The following FARP2 variants were observed in gnomAD, a reference collection of about 807,000 sequenced individuals.
FARP2 encodes the protein FERM, ARH/RhoGEF and pleckstrin domain protein 2, also known as FERM, ARHGEF and pleckstrin domain-containing protein 2.
FARP2 carries 111 observed loss-of-function variants against 130.5 expected under a neutral mutation model. That is an observed-to-expected ratio of 0.85 (90% CI 0.73 to 1.00). The LOEUF is 1.00. FARP2 is among the 50% of genes least tolerant of loss of function. FARP2 has a pLI of 0.00. For missense variants in FARP2, 1,385 were observed against 1,346.3 expected (o/e 1.03, Z -0.45); for synonymous variants, 504 against 516.9 (o/e 0.98, Z 0.34).
chr2:241,479,213 G>T (rs2064552987), intron 19 of FARP2, among the ~76,000 whole-genome samples: 1 of 152,188 alleles, frequency 6.6e-6, no homozygotes, highest in Non-Finnish European at 1.5e-5. Flanking sequence ...TGGCCAGGTG[G>T]GTACTATCTC....
intron 2 of FARP2, among the ~76,000 whole-genome samples, chr2:241,401,979 A>G (rs558834798): frequency 3.9e-5 from 6 of 152,098 alleles, no homozygotes; most frequent in African/African-American, 9.6e-5. Flanking sequence ...TAGTAGAGAC[A>G]AGGTTTTGCC....
intron 7 of FARP2, among the ~76,000 whole-genome samples, chr2:241,416,003 G>C (rs1053241225): frequency 4.0e-4 from 39 of 96,382 alleles, no homozygotes; most frequent in African/African-American, 8.1e-4. Context: ...GTGTGTGTGT[G>C]TGTGTGTGTG....
intron 1 of FARP2, chr2:241,372,596 C>A (rs962696190): frequency 1.3e-5 from 2 of 152,274 alleles, no homozygotes; most frequent in African/African-American, 4.8e-5. Flanking sequence ...CACTGCCTGA[C>A]ACGCGTTGAT....
intron 8 of FARP2, among the ~76,000 whole-genome samples, chr2:241,426,556 A>G (rs1482354703): frequency 6.6e-6 from 1 of 152,144 alleles, no homozygotes; most frequent in African/African-American, 2.4e-5. Flanking sequence ...GCTTTTCAGA[A>G]ATACGGGTGA....
At chr2:241,491,491 T>C (rs1167545432) in intron 23 of FARP2, 25 bp from the exon 24 acceptor site, 1 of 1,610,140 alleles carries the variant, frequency 6.2e-7, no homozygotes, top group East Asian at 2.2e-5. Context: ...GGGTTCCCCC[T>C]GAGACGCTGC....
chr2:241,405,061 A>G (rs1194053723), intron 4 of FARP2, among the ~76,000 whole-genome samples: 1 of 152,224 alleles, frequency 6.6e-6, no homozygotes, highest in Non-Finnish European at 1.5e-5. Flanking sequence ...AAATAAGAGC[A>G]TATGCTGTTT....
intron 5 of FARP2, 164 bp from the exon 6 acceptor site, chr2:241,410,869 G>A (rs1559744073): frequency 3.4e-6 from 2 of 584,704 alleles, no homozygotes; most frequent in Non-Finnish European, 6.2e-6. Flanking sequence ...TTCATGAAAG[G>A]CCTTTTGTGA....
intron 2 of FARP2, among the ~76,000 whole-genome samples, chr2:241,391,602 C>G (rs1028011309): frequency 2.0e-5 from 3 of 152,158 alleles, no homozygotes; most frequent in Non-Finnish European, 4.4e-5. Flanking sequence ...AATTTTCTCT[C>G]CTGATGAATT....
intron 6 of FARP2, 85 bp downstream of exon 6, chr2:241,411,215 T>G (rs2074772): frequency 0.033 from 30,770 of 925,754 alleles, 3,473 homozygotes; most frequent in Admixed American, 0.28. Flanking sequence ...GTTGCTGATG[T>G]ATTTGCCTAG....
chr2:241,446,605 A>G (rs576856512), intron 13 of FARP2: 3 of 152,336 alleles, frequency 2.0e-5, no homozygotes, highest in South Asian at 4.1e-4. Context: ...ATGCCAATAC[A>G]TATGTCTTCA....
intron 12 of FARP2, among the ~76,000 whole-genome samples, chr2:241,436,909 C>G (rs1244424055): frequency 1.3e-5 from 2 of 152,114 alleles, no homozygotes; most frequent in African/African-American, 4.8e-5. Flanking sequence ...TGTCTTGAGC[C>G]CAGGAAGTTG....
rs1047800703 is a variant in FARP2, at chr2:241,459,888, T to A, written c.1588-2635T>A. Among the ~76,000 whole-genome samples the A allele has an allele frequency of 2.6e-5, 4 of 152,152 alleles. No individual in the cohort carries two copies. The highest frequency in any genetic ancestry group is 9.7e-5 in the African/African-American group (4 of 41,432). On this transcript the variant is annotated intron_variant, in intron 14 of 26. Coordinates refer to ENST00000264042, the MANE Select transcript of FARP2 (RefSeq NM_014808.4). This position sits in a 1 kb window ranked among gnomAD's most constrained non-coding sequence, Gnocchi z 5.3. Reference sequence around the variant, plus strand: ...GGCCAGTCTGCTCCCCTGACTCCCCTGTGACCCACTGGTGGCACCTGTGAT... The same window carrying A: ...GGCCAGTCTGCTCCCCTGACTCCCCAGTGACCCACTGGTGGCACCTGTGAT...
intron 7 of FARP2, among the ~76,000 whole-genome samples, chr2:241,416,306 C>T (rs904593360): frequency 6.6e-6 from 1 of 152,100 alleles, no homozygotes; most frequent in African/African-American, 2.4e-5. Context: ...TGGTCTGCTT[C>T]ATACGGGAAT....
chr2:241,407,733 C>T, intron 5 of FARP2, 118 bp downstream of exon 5: 1 of 757,344 alleles, frequency 1.3e-6, no homozygotes. Context: ...AGAAAAGTGA[C>T]CATGAGTGTA....
intron 25 of FARP2, 96 bp from the exon 26 acceptor site, chr2:241,493,197 C>A: frequency 1.4e-6 from 2 of 1,412,850 alleles, no homozygotes; most frequent in African/African-American, 1.4e-5. Flanking sequence ...GGCCCGTGGG[C>A]ATTTGTACGT....
At chr2:241,400,759 A>G (rs759351853) in intron 2 of FARP2, among the ~76,000 whole-genome samples, 1 of 152,146 alleles carries the variant, frequency 6.6e-6, no homozygotes, top group Non-Finnish European at 1.5e-5. Flanking sequence ...GAGAGTCATG[A>G]GGAGGACTGT....
chr2:241,391,474 T>A (rs1374781391), intron 2 of FARP2, among the ~76,000 whole-genome samples: 1 of 152,090 alleles, frequency 6.6e-6, no homozygotes, highest in Non-Finnish European at 1.5e-5. Flanking sequence ...ATCACCTGCT[T>A]TTGTGCTCAG....
intron 2 of FARP2, among the ~76,000 whole-genome samples, chr2:241,381,907 C>T (rs1404320208): frequency 2.0e-5 from 3 of 152,184 alleles, no homozygotes; most frequent in Admixed American, 1.3e-4. Context: ...AGCAAAGGCC[C>T]ATTGGGTTAC....
chr2:241,492,130 G>A (rs767095562), intron 24 of FARP2, among the ~76,000 whole-genome samples: 4 of 152,150 alleles, frequency 2.6e-5, no homozygotes, highest in Non-Finnish European at 5.9e-5. Flanking sequence ...TCAGCCTGGT[G>A]CCCCCACACC....
Sources: gnomAD v4.1 joint callset for allele counts (sites outside exome capture counted in the v4.1 genomes callset) on GRCh38, gnomAD v4.1.1 for gene constraint, Gnocchi (gnomAD v3.1) non-coding constraint, MANE v1.5 for transcripts, NCBI Gene and HGNC (gene_info 2026-07-23, HGNC 2026-07-21) for gene names.